Variants in REV3L observed in about 807,000 individuals in gnomAD.
The protein encoded by REV3L is REV3 like, DNA directed polymerase zeta catalytic subunit.
A neutral mutation model predicts 299.4 loss-of-function variants in REV3L; 69 were observed. The ratio of observed to expected loss-of-function variants is 0.23; its 90% CI spans 0.19 to 0.28. The LOEUF is 0.28. Ranked by LOEUF, REV3L falls within the 10% of genes least tolerant of loss-of-function variation. The probability of loss-of-function intolerance (pLI) is 1.00; values close to 1 mark genes in which losing one functional copy is unlikely to be tolerated. For missense variants in REV3L, 3,128 were observed against 3,693.8 expected (o/e 0.85, Z 3.97); for synonymous variants, 1,238 against 1,271.4 (o/e 0.97, Z 0.56).
intron 4 of REV3L, among the ~76,000 whole-genome samples, chr6:111,393,177 C>T (rs893358880): frequency 4.6e-5 from 7 of 151,832 alleles, no homozygotes; most frequent in East Asian, 3.9e-4. Context: ...AGCCTCCAAG[C>T]GCAGCAAATT....
chr6:111,471,008 G>A (rs1486881031), intron 1 of REV3L, among the ~76,000 whole-genome samples: 1 of 151,894 alleles, frequency 6.6e-6, no homozygotes, highest in Non-Finnish European at 1.5e-5. Context: ...AAATAAATAA[G>A]TAAAAGACAA....
At position 111,372,613 on chromosome 6, in the gene REV3L, A is replaced by G. The variant is rs1184210096; in HGVS notation, c.5742T>C (p.Asp1914=). 6.7e-7 allele frequency: 1 copy of G among 1,495,026 alleles called. No homozygotes were observed. Among genetic ancestry groups the G allele is most frequent in the East Asian group, 2.3e-5 (1 of 43,176 alleles). 92.6% of individuals were successfully genotyped at this position (1,495,026 alleles called of 1,614,324 possible). The change falls in exon 13 of 32, where the codon GAT becomes GAC. Residue 1914 remains aspartate, a synonymous_variant. Coordinates refer to ENST00000368802, the MANE Select transcript of REV3L (RefSeq NM_001372078.1). The part of the protein sequence containing the change: ...YQEPFCSNPS[D]VPEKPREIGG... ...CTGATTACCTGGGCTTTTCTGGTAC[A>G]TCAGAAGGATTACTGCAAAATGGTT...
intron 11 of REV3L, among the ~76,000 whole-genome samples, chr6:111,378,405 A>G (rs142632414): frequency 6.6e-6 from 1 of 152,156 alleles, no homozygotes; most frequent in East Asian, 1.9e-4. Flanking sequence ...TTCTTTCACT[A>G]ATCTCAACAA....
rs1314298469 is a variant in REV3L, at chr6:111,299,892, CAT to C, written c.*122_*123del. The C allele has an allele frequency of 3.3e-6, 3 of 910,338 alleles. No individual in the cohort carries two copies. The African/African-American group carries it at 5.1e-5, about 15-fold the overall frequency. The allele number at this position is 910,338 out of a possible 1,614,324, so 56.4% of individuals were successfully genotyped here. On this transcript the variant is annotated 3_prime_UTR_variant, in exon 32 of 32. Transcript: ENST00000368802. Reference sequence around the variant, plus strand: ...TTAATTCGGTTAGCATAGAAGTCTTCATAGTCTTCAGATAACAGACAGTGAAC... The same window carrying C: ...TTAATTCGGTTAGCATAGAAGTCTTCAGTCTTCAGATAACAGACAGTGAAC...
chr6:111,335,442 A>G, intron 22 of REV3L, 27 bp downstream of exon 22: 1 of 1,600,288 alleles, frequency 6.2e-7, no homozygotes, highest in Non-Finnish European at 8.5e-7. Flanking sequence ...CAGAACTTTC[A>G]AGTCTGCAAG....
chr6:111,372,375 A>C (rs1310759091), intron 13 of REV3L, among the ~76,000 whole-genome samples: 1 of 152,182 alleles, frequency 6.6e-6, no homozygotes, highest in Non-Finnish European at 1.5e-5. Flanking sequence ...AACTTAAATA[A>C]ATTTCTCTAG....
rs746986981 is a variant in REV3L at position 111,375,678 on chromosome 6, C to G, written c.2677G>C (p.Gly893Arg). Residue 893 changes from glycine to arginine, a missense_variant, in exon 13 of 32, where the codon GGT (glycine) becomes CGT (arginine). Physicochemically the swap from Gly to Arg is moderately radical, Grantham distance 125. Around this residue, in one of 9 missense-constraint regions of REV3L, gnomAD observed 2,409 missense variants for 2,611.8 expected, o/e 0.92. Transcript: ENST00000368802. ...TCTCCAAAGTGACAGTCTATAAAAC[C>G]ATCTGTGGGTGTTTTATTTTCAAAA... ...GAFENKTPTD[G>R]FIDCHFGDGT... 8.1e-6 allele frequency: 13 copies of G among 1,613,932 alleles called. No individual in the cohort carries two copies. Among genetic ancestry groups the G allele is most frequent in the Non-Finnish European group, 1.1e-5 (13 of 1,179,922 alleles).
chr6:111,437,661 G>A (rs960989739), intron 1 of REV3L, among the ~76,000 whole-genome samples: 1 of 152,020 alleles, frequency 6.6e-6, no homozygotes, highest in Non-Finnish European at 1.5e-5. Context: ...AGAAAGAAAG[G>A]AGATTAATGG....
In REV3L at chr6:111,299,914, G is replaced by T. The variant is rs1771289232; in HGVS notation, c.*102C>A. ...CTTCATAGTCTTCAGATAACAGACA[G>T]TGAACATCCTTGACTCGATGAAAGT... is the stretch of plus-strand genomic sequence containing the variant. On this transcript the variant is annotated 3_prime_UTR_variant, in exon 32 of 32. Transcript: ENST00000368802. 8.7e-7 allele frequency: 1 copy of T among 1,146,496 alleles called. No homozygotes were observed. The highest frequency in any genetic ancestry group is 1.2e-6 in the Non-Finnish European group (1 of 818,274). The allele number at this position is 1,146,496 out of a possible 1,614,324, so 71.0% of individuals were successfully genotyped here.
chr6:111,462,334 T>C (rs1790875813), intron 1 of REV3L, among the ~76,000 whole-genome samples: 2 of 152,154 alleles, frequency 1.3e-5, no homozygotes, highest in Admixed American at 1.3e-4. Flanking sequence ...AGTGGTTATA[T>C]TAATACAAGG....
rs1326116812 is a variant in REV3L, at chr6:111,483,170, G to C, written c.-282C>G. ...GCCGCCACCGCCGGGAATCACACGG[G>C]CTCCTCGGTCCCAGGCTGCAGCTCT... On this transcript the variant is annotated 5_prime_UTR_variant, in exon 1 of 32. Coordinates refer to ENST00000368802, the MANE Select transcript of REV3L (RefSeq NM_001372078.1). The C allele has an allele frequency of 6.1e-6, 3 of 489,998 alleles. No homozygotes were observed. The highest frequency in any genetic ancestry group is 4.1e-5 in the African/African-American group (2 of 49,026). 30.4% of individuals were successfully genotyped at this position (489,998 alleles called of 1,614,324 possible). A position where few individuals can be genotyped will look rare whatever the true frequency, so the allele number is the denominator to read the frequency against.
At chr6:111,351,252 C>A (rs1777537808) in intron 19 of REV3L, among the ~76,000 whole-genome samples, 1 of 151,238 alleles carries the variant, frequency 6.6e-6, no homozygotes, top group Admixed American at 6.6e-5. Flanking sequence ...TTAAAAAAAA[C>A]AGAGGCAGAC....
At position 111,381,442 on chromosome 6, in the gene REV3L, G is replaced by A. The variant is rs1780819218; in HGVS notation, c.1099C>T (p.His367Tyr). 2 of 1,599,350 alleles carry A rather than the reference G, an allele frequency of 1.3e-6. No homozygotes were observed. The highest frequency in any genetic ancestry group is 1.7e-6 in the Non-Finnish European group (2 of 1,175,892). ...GCTTCTTCCACTTTGTGTCTAGTGT[G>A]ACCTTAATTTGACAAAGAATAAAAA... ...VHKDKESSKGHTRHKVEEALI... is the reference protein window; with the variant it reads ...VHKDKESSKGYTRHKVEEALI... The change falls in exon 10 of 32, where the codon CAC (histidine) becomes TAC (tyrosine). Residue 367 changes from histidine to tyrosine, a missense_variant and splice_region_variant. By Grantham distance (83) the His-to-Tyr change is moderately conservative. This residue lies in a region of REV3L where 2,409 missense variants were observed against 2,611.8 expected (regional missense o/e 0.92). Transcript: ENST00000368802.
intron 10 of REV3L, 139 bp downstream of exon 10, chr6:111,381,186 T>C (rs1261276489): frequency 2.5e-6 from 2 of 802,454 alleles, no homozygotes; most frequent in Non-Finnish European, 1.9e-6. Flanking sequence ...ATGCAAGGTT[T>C]CATTTTCATA....
intron 1 of REV3L, among the ~76,000 whole-genome samples, chr6:111,460,769 T>C (rs11753187): frequency 1.3e-5 from 2 of 152,084 alleles, no homozygotes; most frequent in African/African-American, 4.8e-5. Flanking sequence ...AAGATAACTG[T>C]CTCTAAAGCA....
At chr6:111,368,272 T>G (rs1388699404) in intron 13 of REV3L, among the ~76,000 whole-genome samples, 1 of 152,176 alleles carries the variant, frequency 6.6e-6, no homozygotes, top group Middle Eastern at 3.2e-3. Context: ...AGAAGGTATT[T>G]TTTGTTTTAT....
At chr6:111,441,020 A>G (rs1480911327) in intron 1 of REV3L, among the ~76,000 whole-genome samples, 1 of 152,126 alleles carries the variant, frequency 6.6e-6, no homozygotes, top group African/African-American at 2.4e-5. Flanking sequence ...GTTTCTTTCA[A>G]AATTTTCTCT....
chr6:111,354,820 T>C lies in REV3L; in HGVS notation c.7184+2194A>G, dbSNP rs572442169. ...AATAGAAGCAGAAGAAATAGGTAAA[T>C]GGTTCCATTTGCTTAGGCAGAAAAA... is the stretch of plus-strand genomic sequence containing the variant. On this transcript the variant is annotated intron_variant, in intron 18 of 31. Coordinates refer to ENST00000368802, the MANE Select transcript of REV3L (RefSeq NM_001372078.1). Among the ~76,000 whole-genome samples the C allele has an allele frequency of 5.5e-4, 83 of 152,196 alleles. 1 individual carries two copies. The highest frequency in any genetic ancestry group is 1.9e-3 in the African/African-American group (78 of 41,528).
intron 6 of REV3L, among the ~76,000 whole-genome samples, chr6:111,389,673 T>C (rs938830043): frequency 5.3e-5 from 8 of 151,894 alleles, no homozygotes; most frequent in African/African-American, 1.9e-4. Flanking sequence ...TATAATATCT[T>C]AGTTTCCTCG....
Sources: gnomAD v4.1 joint callset for allele counts (sites outside exome capture counted in the v4.1 genomes callset) on GRCh38, gnomAD v4.1.1 for gene constraint, gnomAD v4.1.1 regional missense constraint, MANE v1.5 for transcripts, NCBI Gene and HGNC (gene_info 2026-07-23, HGNC 2026-07-21) for gene names.